The following SMCHD1 variants were observed in gnomAD, a reference collection of about 807,000 sequenced individuals.
SMCHD1 encodes the protein structural maintenance of chromosomes flexible hinge domain-containing protein 1.
Under a neutral mutation model 254.7 loss-of-function variants are expected in SMCHD1, and 78 were observed. The observed-to-expected ratio is 0.31, with a 90% CI of 0.26 to 0.37. The LOEUF (loss-of-function observed/expected upper bound fraction) is 0.37. Among genes scored for constraint, SMCHD1 ranks in the 10% least tolerant of loss-of-function variants. The pLI, the probability that SMCHD1 is intolerant of heterozygous loss-of-function variation, is 1.00. For synonymous variants in SMCHD1, 766 were observed against 794.9 expected, an observed-to-expected ratio of 0.96 and a Z score of 0.61; for missense variants, 1,840 against 2,408.1, an observed-to-expected ratio of 0.76 and a Z score of 4.94.
At chr18:2,685,094 A>ATTTT (rs372694951) in intron 5 of SMCHD1, among the ~76,000 whole-genome samples, 30,782 of 81,818 alleles carry the variant, frequency 0.38, 10,277 homozygotes, top group East Asian at 0.55. Context: ...TCTGTCCCTT[A>ATTTT]TTTTTTTCTT....
rs191571416 is a variant in SMCHD1, at chr18:2,787,207, G to A, written c.5719+2586G>A. On this transcript the variant is annotated intron_variant, in intron 45 of 47. Coordinates refer to ENST00000320876, the MANE Select transcript of SMCHD1 (RefSeq NM_015295.3). ...AGCAAAAGGGAAGGGGAGGGAAGGT[G>A]CCAGGCTCTTTAAACAACCAGCTTT... 1.1e-4 allele frequency among the ~76,000 whole-genome samples: 16 copies of A among 152,222 alleles called. No homozygotes were observed. The East Asian group carries it at 2.5e-3, about 24-fold the overall frequency.
chr18:2,694,734 CT>C, intron 8 of SMCHD1, 41 bp downstream of exon 8: 1 of 1,560,368 alleles, frequency 6.4e-7, no homozygotes, highest in Non-Finnish European at 8.8e-7. Context: ...TGCTACTTAA[CT>C]TTTTTAAGGC....
chr18:2,732,610 T>C (rs943120909), intron 25 of SMCHD1, 118 bp downstream of exon 25: 3 of 624,614 alleles, frequency 4.8e-6, no homozygotes, highest in African/African-American at 3.7e-5. Context: ...AGAAAAGTTA[T>C]ACTATCATTT....
chr18:2,732,891 A>G lies in SMCHD1; in HGVS notation c.3276+399A>G, dbSNP rs505562. 3.2e-3 allele frequency among the ~76,000 whole-genome samples: 495 copies of G among 152,330 alleles called. 2 individuals are homozygous for G. Among genetic ancestry groups the G allele is most frequent in the Non-Finnish European group, 5.0e-3 (340 of 68,026 alleles). ...AAGCAGTGAAACAGTGTTGTTAACTACAGAGCCTCTATTTGGCCATTGGAA... is the reference window on the plus strand; with the variant it reads ...AAGCAGTGAAACAGTGTTGTTAACTGCAGAGCCTCTATTTGGCCATTGGAA... On this transcript the variant is annotated intron_variant, in intron 25 of 47. Transcript: ENST00000320876.
intron 25 of SMCHD1, among the ~76,000 whole-genome samples, chr18:2,737,611 CTG>C (rs1467309281): frequency 6.6e-6 from 1 of 152,080 alleles, no homozygotes; most frequent in East Asian, 1.9e-4. Flanking sequence ...ACTCATGAGA[CTG>C]GGGCAGGAGC....
At chr18:2,747,139 G>A (rs1008756693) in intron 29 of SMCHD1, among the ~76,000 whole-genome samples, 3 of 152,148 alleles carry the variant, frequency 2.0e-5, no homozygotes, top group African/African-American at 4.8e-5. Context: ...TGCTTACATA[G>A]CATTTGCGTT....
intron 28 of SMCHD1, 137 bp from the exon 29 acceptor site, chr18:2,743,624 T>C (rs527917627): frequency 3.6e-5 from 18 of 495,192 alleles, no homozygotes; most frequent in African/African-American, 3.1e-4. Flanking sequence ...CATTATTGCA[T>C]GGGTGCTATT....
rs562510631 is a variant in SMCHD1, at chr18:2,724,089, G to T, written c.2604-810G>T. ...GGGATTTTAAGAGACAGTGAAAGTA[G>T]GTGTATATGTTTAATGTGCCATCTT... On this transcript the variant is annotated intron_variant, in intron 20 of 47. Coordinates refer to ENST00000320876, the MANE Select transcript of SMCHD1 (RefSeq NM_015295.3). 4.0e-5 allele frequency among the ~76,000 whole-genome samples: 6 copies of T among 149,000 alleles called. No individual in the cohort carries two copies. In the South Asian group the frequency reaches 1.3e-3, roughly 32 times the overall value.
intron 41 of SMCHD1, among the ~76,000 whole-genome samples, chr18:2,775,068 A>ATTTTTTTTTTTTTTT (rs10601895): frequency 1.4e-5 from 1 of 73,008 alleles, no homozygotes; most frequent in African/African-American, 4.5e-5. Flanking sequence ...AAAAGGAACA[A>ATTTTTTTTTTTTTTT]TTTTTTTTTT....
intron 45 of SMCHD1, 103 bp from the exon 46 acceptor site, chr18:2,795,846 A>C (rs183012753): frequency 2.5e-5 from 22 of 886,354 alleles, no homozygotes; most frequent in Non-Finnish European, 3.7e-5. Context: ...TAGATCCCCT[A>C]TGTTACCATA....
intron 15 of SMCHD1, chr18:2,707,361 T>TTC (rs1555635051): frequency 5.8e-6 from 2 of 343,074 alleles, no homozygotes; most frequent in African/African-American, 4.2e-5. Context: ...GGTTTTTTTT[T>TTC]TTCTTCTTCT....
chr18:2,678,204 C>CT (rs2073802017), intron 5 of SMCHD1, among the ~76,000 whole-genome samples: 2 of 51,682 alleles, frequency 3.9e-5, no homozygotes, highest in East Asian at 4.2e-3. Context: ...ACTGTCTTTT[C>CT]TTTCTTTTCT....
At chr18:2,783,647 AC>A (rs1272975643) in intron 44 of SMCHD1, among the ~76,000 whole-genome samples, 4 of 151,356 alleles carry the variant, frequency 2.6e-5, no homozygotes, top group Admixed American at 6.6e-5. Flanking sequence ...ATCTCAGCTC[AC>A]TGCAACCTCC....
chr18:2,674,997 C>T (rs2073707809), intron 5 of SMCHD1, among the ~76,000 whole-genome samples: 2 of 152,302 alleles, frequency 1.3e-5, no homozygotes, highest in Non-Finnish European at 2.9e-5. Context: ...ATGAAAAACA[C>T]AGACTCTTGT....
rs886043784 is a variant in SMCHD1 at position 2,771,612 on chromosome 18, A to G, written c.5046A>G (p.Thr1682=). The part of the protein sequence containing the change: ...LKIHNIDIPT[T]QQVPHIEALL... ...TACATAATATTGACATTCCTACAAC[A>G]CAACAGGTACAGCTTCCAACTATAC... Residue 1682 remains threonine, a synonymous_variant, in exon 40 of 48, where the codon ACA becomes ACG. Coordinates refer to ENST00000320876, the MANE Select transcript of SMCHD1 (RefSeq NM_015295.3). 5.8e-6 allele frequency: 9 copies of G among 1,553,440 alleles called. No homozygotes were observed. The African/African-American group carries it at 1.1e-4, about 20-fold the overall frequency.
At chr18:2,660,395 G>A (rs2073211667) in intron 1 of SMCHD1, among the ~76,000 whole-genome samples, 1 of 150,242 alleles carries the variant, frequency 6.7e-6, no homozygotes, top group South Asian at 2.1e-4. Context: ...AATTTTTATA[G>A]ATGAAGCAGG....
At chr18:2,662,153 G>A (rs1241425251) in intron 1 of SMCHD1, among the ~76,000 whole-genome samples, 6 of 124,598 alleles carry the variant, frequency 4.8e-5, no homozygotes, top group Admixed American at 9.0e-5. Context: ...GCGACAGAGC[G>A]AGACTCCGTC....
chr18:2,744,034 C>A lies in SMCHD1; in HGVS notation c.3801+106C>A, dbSNP rs2074470099. The A allele has an allele frequency of 7.1e-6, 7 of 990,154 alleles. No homozygotes were observed. In the South Asian group the frequency reaches 1.5e-4, roughly 22 times the overall value. The allele number at this position is 990,154 out of a possible 1,614,324, so 61.3% of individuals were successfully genotyped here. On this transcript the variant is annotated intron_variant, in intron 29 of 47. Coordinates refer to ENST00000320876, the MANE Select transcript of SMCHD1 (RefSeq NM_015295.3). Reference sequence around the variant, plus strand: ...ATATATTTTGTTGCTGAAGTAACAACTAACAGTTGTTAACAGTAAAAATAA... The same window carrying A: ...ATATATTTTGTTGCTGAAGTAACAAATAACAGTTGTTAACAGTAAAAATAA...
chr18:2,703,603 A>G, intron 12 of SMCHD1, 89 bp from the exon 13 acceptor site: 1 of 1,106,158 alleles, frequency 9.0e-7, no homozygotes, highest in Non-Finnish European at 1.3e-6. Flanking sequence ...GAGTATATGA[A>G]AGGAAAAAAA....
Sources: allele counts gnomAD v4.1 joint callset (sites outside exome capture counted in the v4.1 genomes callset), GRCh38; gene constraint gnomAD v4.1.1; transcripts MANE v1.5; gene names NCBI Gene and HGNC (gene_info 2026-07-23, HGNC 2026-07-21).